The following ADAMTS17 variants were observed in gnomAD, a reference collection of about 807,000 sequenced individuals.
ADAMTS17 encodes A disintegrin and metalloproteinase with thrombospondin motifs 17.
In ADAMTS17, 113 loss-of-function variants were observed where a neutral mutation model predicts 141.5. The ratio of observed to expected loss-of-function variants is 0.80; its 90% CI spans 0.69 to 0.93. The LOEUF is 0.93. ADAMTS17 is among the 40% of genes least tolerant of loss of function. The pLI, the probability that ADAMTS17 is intolerant of heterozygous loss-of-function variation, is 0.00. For synonymous variants in ADAMTS17, 768 were observed against 630.6 expected (o/e 1.22, Z -3.27); for missense variants, 1,659 against 1,517.9 (o/e 1.09, Z -1.54).
chr15:100,073,491 T>C (rs2034135020), intron 15 of ADAMTS17, among the ~76,000 whole-genome samples: 1 of 151,726 alleles, frequency 6.6e-6, no homozygotes, highest in South Asian at 2.1e-4. Context: ...CTATTCACAA[T>C]AGCAAAGACT....
At chr15:100,231,294 T>C (rs899351346) in intron 7 of ADAMTS17, among the ~76,000 whole-genome samples, 20 of 152,342 alleles carry the variant, frequency 1.3e-4, no homozygotes, top group African/African-American at 4.8e-4. Flanking sequence ...GAAATTTTAA[T>C]TGAGGCTTCA....
intron 15 of ADAMTS17, among the ~76,000 whole-genome samples, chr15:100,054,780 T>G (rs1596310260): frequency 6.6e-6 from 1 of 152,100 alleles, no homozygotes; most frequent in African/African-American, 2.4e-5. Context: ...CTCACCCACA[T>G]CTCTACCAGG....
intron 18 of ADAMTS17, among the ~76,000 whole-genome samples, chr15:100,001,213 C>T (rs1327730991): frequency 1.3e-5 from 2 of 152,206 alleles, no homozygotes; most frequent in East Asian, 3.9e-4. Flanking sequence ...ATGCCCATTA[C>T]CCCTGAATCT....
At chr15:100,249,474 G>A (rs1479377545) in intron 7 of ADAMTS17, among the ~76,000 whole-genome samples, 2 of 152,212 alleles carry the variant, frequency 1.3e-5, no homozygotes, top group Admixed American at 6.5e-5. Context: ...CAGTGCAGGT[G>A]GGGTGGGGAG....
At chr15:100,242,132 A>G (rs2042845944) in intron 7 of ADAMTS17, among the ~76,000 whole-genome samples, 1 of 152,130 alleles carries the variant, frequency 6.6e-6, no homozygotes, top group South Asian at 2.1e-4. Context: ...GCTACAAACA[A>G]ACATTCTCCC....
chr15:100,281,166 T>C, intron 4 of ADAMTS17, 63 bp downstream of exon 4: 4 of 1,595,094 alleles, frequency 2.5e-6, no homozygotes, highest in Non-Finnish European at 3.4e-6. Context: ...AGCACCTGCT[T>C]CCAGATCTCT....
chr15:100,219,590 G>A (rs769041165), intron 7 of ADAMTS17, among the ~76,000 whole-genome samples: 30 of 152,090 alleles, frequency 2.0e-4, no homozygotes, highest in Non-Finnish European at 3.1e-4. Context: ...ATCCCAGTTC[G>A]AGGCAAACTG....
rs1013833973 is a variant in ADAMTS17 at position 100,148,716 on chromosome 15, T to C, written c.1473+3896A>G. 2.6e-5 allele frequency among the ~76,000 whole-genome samples: 4 copies of C among 152,156 alleles called. No individual in the cohort carries two copies. In the South Asian group the frequency reaches 6.2e-4, roughly 24 times the overall value. ...TTGAGTATTTTTCTAGATTTCTTCA[T>C]GTTTCTTGTGAATTAGGAGATGTGG... On this transcript the variant is annotated intron_variant, in intron 10 of 21. Coordinates refer to ENST00000268070, the MANE Select transcript of ADAMTS17 (RefSeq NM_139057.4).
intron 4 of ADAMTS17, among the ~76,000 whole-genome samples, chr15:100,273,661 TG>T (rs372839529): frequency 9.2e-5 from 14 of 152,196 alleles, no homozygotes; most frequent in African/African-American, 3.4e-4. Flanking sequence ...TTGGCTCTAT[TG>T]TTTTTCTGTC....
At chr15:100,329,590 C>G (rs1224183057) in intron 3 of ADAMTS17, among the ~76,000 whole-genome samples, 1 of 151,084 alleles carries the variant, frequency 6.6e-6, no homozygotes, top group Non-Finnish European at 1.5e-5. Flanking sequence ...GACCAAAGAC[C>G]CTGTTTCCTA....
intron 15 of ADAMTS17, among the ~76,000 whole-genome samples, chr15:100,068,742 C>A (rs1335684982): frequency 6.6e-6 from 1 of 152,136 alleles, no homozygotes; most frequent in East Asian, 1.9e-4. Context: ...CACACCAAAA[C>A]CCCATCTGTA....
In ADAMTS17 at chr15:100,048,880, G is replaced by A. The variant is rs765894210; in HGVS notation, c.2568C>T (p.Cys856=). The A allele has an allele frequency of 4.3e-6, 7 of 1,614,192 alleles. 1 individual carries two copies. The South Asian group carries it at 6.6e-5, about 15-fold the overall frequency. ...ACCGTGACTGGCAGGGGTGCAAGTTGCACCTTCGGACCTGGGGCTCTGGGC... is the reference window on the plus strand; with the variant it reads ...ACCGTGACTGGCAGGGGTGCAAGTTACACCTTCGGACCTGGGGCTCTGGGC... ...ASRPEPQVRR[C]NLHPCQSRWV... The change falls in exon 18 of 22, where the codon TGC becomes TGT. Residue 856 remains cysteine (C), a synonymous_variant. Coordinates refer to ENST00000268070, the MANE Select transcript of ADAMTS17 (RefSeq NM_139057.4).
intron 7 of ADAMTS17, among the ~76,000 whole-genome samples, chr15:100,215,944 C>T (rs889198714): frequency 4.6e-5 from 7 of 152,082 alleles, no homozygotes; most frequent in African/African-American, 1.7e-4. Flanking sequence ...CTCGGGAGTC[C>T]CTGTTCCTAA....
At position 100,152,676 on chromosome 15, in the gene ADAMTS17, T is replaced by C. The variant is rs371778576; in HGVS notation, c.1409A>G (p.Tyr470Cys). Residue 470 changes from tyrosine (Y) to cysteine (C), a missense_variant, in exon 10 of 22, where the codon TAC becomes TGC. Coordinates refer to ENST00000268070, the MANE Select transcript of ADAMTS17 (RefSeq NM_139057.4). ...RLPHKLPGMHYSANEQCQILF... is the reference protein window; with the variant it reads ...RLPHKLPGMHCSANEQCQILF... ...GATCTGGCACTGCTCGTTGGCACTGTAGTGCATGCCCGGCAGCTTGTGCGG... is the reference window on the plus strand; with the variant it reads ...GATCTGGCACTGCTCGTTGGCACTGCAGTGCATGCCCGGCAGCTTGTGCGG... 1.5e-5 allele frequency: 24 copies of C among 1,614,084 alleles called. No homozygotes were observed. The highest frequency in any genetic ancestry group is 2.0e-5 in the Non-Finnish European group (24 of 1,180,038).
intron 3 of ADAMTS17, among the ~76,000 whole-genome samples, chr15:100,282,591 T>G (rs2044321026): frequency 6.6e-6 from 1 of 152,250 alleles, no homozygotes; most frequent in South Asian, 2.1e-4. Context: ...CTCATTGTAC[T>G]GTACTCACCT....
In ADAMTS17 at chr15:100,057,162, G is replaced by A. The variant is rs113172107; in HGVS notation, c.2138-3108C>T. Among the ~76,000 whole-genome samples, 74 of 152,228 alleles carry A rather than the reference G, an allele frequency of 4.9e-4. 2 individuals carry two copies. Among genetic ancestry groups the A allele is most frequent in the African/African-American group, 1.7e-3 (71 of 41,530 alleles). On this transcript the variant is annotated intron_variant, in intron 15 of 21. Transcript: ENST00000268070. ...GGGAGGAAGGCACAGCACCCCATATGGAGAAGCAAGTGGAAGGTAAAGTTT... is the reference window on the plus strand; with the variant it reads ...GGGAGGAAGGCACAGCACCCCATATAGAGAAGCAAGTGGAAGGTAAAGTTT...
intron 3 of ADAMTS17, among the ~76,000 whole-genome samples, chr15:100,311,739 C>A (rs781148908): frequency 9.2e-5 from 14 of 151,908 alleles, no homozygotes; most frequent in Non-Finnish European, 1.6e-4. Flanking sequence ...GCTTTTCTTT[C>A]TTAATCAAGT....
chr15:100,223,944 G>A lies in ADAMTS17; in HGVS notation c.1076-24521C>T, dbSNP rs1001554424. ...TCCGAGTCCCGAAGCTGAAGAACTT[G>A]GAGTCCAGTGTTCAATGGCAGGAAG... On this transcript the variant is annotated intron_variant, in intron 7 of 21. Transcript: ENST00000268070. Among the ~76,000 whole-genome samples, 4 of 152,228 alleles carry A rather than the reference G, an allele frequency of 2.6e-5. No homozygotes were observed. The South Asian group carries it at 8.3e-4, about 32-fold the overall frequency.
At chr15:100,287,026 A>G (rs1009104403) in intron 3 of ADAMTS17, among the ~76,000 whole-genome samples, 2 of 152,210 alleles carry the variant, frequency 1.3e-5, no homozygotes, top group African/African-American at 4.8e-5. Flanking sequence ...CGTCTCTACT[A>G]AAAATACAAA....
Sources: allele counts gnomAD v4.1 joint callset (sites outside exome capture counted in the v4.1 genomes callset), GRCh38; gene constraint gnomAD v4.1.1; transcripts MANE v1.5; gene names NCBI Gene and HGNC (gene_info 2026-07-23, HGNC 2026-07-21).